SLC2A13: variants seen among roughly 807,000 people sequenced by gnomAD.
SLC2A13 encodes the protein proton myo-inositol cotransporter.
In SLC2A13, 32 loss-of-function variants were observed where a neutral mutation model predicts 64.4. That is an observed-to-expected ratio of 0.50 (90% CI 0.37 to 0.67). The LOEUF (loss-of-function observed/expected upper bound fraction) is 0.67. Among genes scored for constraint, SLC2A13 ranks in the 30% least tolerant of loss-of-function variants. SLC2A13 has a pLI of 0.00. For missense variants in SLC2A13, 743 were observed against 829.2 expected (o/e 0.90, Z 1.28); for synonymous variants, 338 against 327.1 (o/e 1.03, Z -0.36).
intron 4 of SLC2A13, among the ~76,000 whole-genome samples, chr12:39,946,418 A>T (rs971516031): frequency 2.6e-5 from 4 of 152,202 alleles, no homozygotes; most frequent in African/African-American, 7.2e-5. Context: ...AGAGCCCTAG[A>T]ACTCCCAAGA....
At chr12:39,984,786 T>C (rs1946998253) in intron 3 of SLC2A13, among the ~76,000 whole-genome samples, 1 of 152,178 alleles carries the variant, frequency 6.6e-6, no homozygotes. Context: ...ATTCAGATAT[T>C]TTTGTCAACA....
chr12:40,036,837 GCAAA>G (rs1289883998), intron 2 of SLC2A13, among the ~76,000 whole-genome samples: 2 of 152,136 alleles, frequency 1.3e-5, no homozygotes, highest in East Asian at 3.8e-4. Flanking sequence ...TCTTTGCCTA[GCAAA>G]CAGTCATAAG....
intron 2 of SLC2A13, among the ~76,000 whole-genome samples, chr12:40,035,631 T>C (rs1947971915): frequency 6.6e-6 from 1 of 152,160 alleles, no homozygotes; most frequent in African/African-American, 2.4e-5. Flanking sequence ...AAGCAGGTAA[T>C]ATATGATCCG....
chr12:39,984,609 A>G (rs1378683648), intron 3 of SLC2A13, among the ~76,000 whole-genome samples: 1 of 152,196 alleles, frequency 6.6e-6, no homozygotes, highest in Non-Finnish European at 1.5e-5. Flanking sequence ...ACTAATATCC[A>G]GTGAATATAT....
intron 2 of SLC2A13, among the ~76,000 whole-genome samples, chr12:40,039,565 T>C (rs1327088013): frequency 6.6e-6 from 1 of 152,244 alleles, no homozygotes; most frequent in Non-Finnish European, 1.5e-5. Flanking sequence ...CTTTTTGTAA[T>C]ATATTCTAGT....
chr12:39,893,864 T>C (rs917792023), intron 4 of SLC2A13, among the ~76,000 whole-genome samples: 8 of 152,348 alleles, frequency 5.3e-5, no homozygotes, highest in Admixed American at 3.3e-4. Context: ...CTTTCAATTT[T>C]TGAATTCACA....
chr12:39,820,038 T>C (rs1467472932), intron 7 of SLC2A13, among the ~76,000 whole-genome samples: 1 of 152,098 alleles, frequency 6.6e-6, no homozygotes, highest in African/African-American at 2.4e-5. Context: ...TAATTAAATA[T>C]AATATTAATA....
At chr12:40,066,454 TAATA>T (rs71957969) in intron 1 of SLC2A13, among the ~76,000 whole-genome samples, 14,921 of 152,244 alleles carry the variant, frequency 0.098, 877 homozygotes, top group East Asian at 0.19. Context: ...AGACTCTGCC[TAATA>T]AATATTCACT....
At chr12:39,783,214 A>G (rs984695627) in intron 7 of SLC2A13, among the ~76,000 whole-genome samples, 2 of 152,158 alleles carry the variant, frequency 1.3e-5, no homozygotes, top group Non-Finnish European at 2.9e-5. Context: ...CCTTTTTTAT[A>G]GCTGCATAGT....
chr12:39,846,592 C>A (rs1055647518), intron 6 of SLC2A13, among the ~76,000 whole-genome samples: 2 of 152,164 alleles, frequency 1.3e-5, no homozygotes, highest in East Asian at 3.9e-4. Flanking sequence ...GCTGAGTCTA[C>A]AGGCACATAC....
intron 3 of SLC2A13, among the ~76,000 whole-genome samples, chr12:40,019,194 G>A (rs965952017): frequency 6.6e-6 from 1 of 152,100 alleles, no homozygotes; most frequent in Admixed American, 6.5e-5. Flanking sequence ...TGGGAATACA[G>A]GCTCAAGGTG....
chr12:40,052,828 C>G (rs779227778), intron 1 of SLC2A13, among the ~76,000 whole-genome samples: 8 of 151,822 alleles, frequency 5.3e-5, no homozygotes, highest in East Asian at 1.9e-4. Flanking sequence ...CAATGGCATA[C>G]GAGAAGAATG....
chr12:40,054,916 G>C (rs1209478380), intron 1 of SLC2A13, among the ~76,000 whole-genome samples: 1 of 152,120 alleles, frequency 6.6e-6, no homozygotes, highest in Non-Finnish European at 1.5e-5. Flanking sequence ...TAATAATAAT[G>C]CTTCTTGAAC....
chr12:39,866,504 G>A (rs769551017), intron 5 of SLC2A13, among the ~76,000 whole-genome samples: 65 of 151,488 alleles, frequency 4.3e-4, no homozygotes, highest in Non-Finnish European at 1.6e-4. Context: ...TTTTTGAGAC[G>A]GAGTCTCGCT....
At chr12:39,792,074 A>G (rs1941421242) in intron 7 of SLC2A13, among the ~76,000 whole-genome samples, 1 of 82,410 alleles carries the variant, frequency 1.2e-5, no homozygotes, top group African/African-American at 4.7e-5. Context: ...AACACTGCAT[A>G]TCTACAACTA....
At chr12:39,992,019 A>G (rs1268887202) in intron 3 of SLC2A13, among the ~76,000 whole-genome samples, 1 of 152,168 alleles carries the variant, frequency 6.6e-6, no homozygotes, top group African/African-American at 2.4e-5. Context: ...AAGCTGATTT[A>G]CAAAGGAGAG....
intron 4 of SLC2A13, among the ~76,000 whole-genome samples, chr12:39,880,882 A>G (rs1944321258): frequency 6.6e-6 from 1 of 152,204 alleles, no homozygotes; most frequent in Non-Finnish European, 1.5e-5. Context: ...TCTGAACTCT[A>G]ATTCACCAAT....
intron 3 of SLC2A13, among the ~76,000 whole-genome samples, chr12:40,003,357 T>C (rs1369277572): frequency 6.6e-6 from 1 of 152,172 alleles, no homozygotes; most frequent in Non-Finnish European, 1.5e-5. Context: ...TTATTAAAAT[T>C]ATAACGATTA....
At chr12:39,947,761 C>T (rs532861571) in intron 4 of SLC2A13, among the ~76,000 whole-genome samples, 13 of 150,162 alleles carry the variant, frequency 8.7e-5, no homozygotes, top group Middle Eastern at 3.5e-3. Context: ...CACGGGTTCA[C>T]GCCATTCTCC....
Sources: gnomAD v4.1 joint callset for allele counts (sites outside exome capture counted in the v4.1 genomes callset) on GRCh38, gnomAD v4.1.1 for gene constraint, MANE v1.5 for transcripts, NCBI Gene and HGNC (gene_info 2026-07-23, HGNC 2026-07-21) for gene names.